The following FHIT variants were observed in gnomAD, a reference collection of about 807,000 sequenced individuals.
The protein encoded by FHIT is bis(5'-adenosyl)-triphosphatase.
FHIT carries 19 observed loss-of-function variants against 17.9 expected under a neutral mutation model. The observed-to-expected ratio is 1.06, with a 90% CI of 0.74 to 1.56. The LOEUF (loss-of-function observed/expected upper bound fraction) is 1.56, where lower values mean the gene tolerates loss of function less well. FHIT is among the 40% of genes most tolerant of loss of function. The pLI is 0.00. For synonymous variants in FHIT, 81 were observed against 69.7 expected (o/e 1.16, Z -0.81); for missense variants, 248 against 189.2 (o/e 1.31, Z -1.82).
chr3:59,855,874 G>A (rs181714959), intron 8 of FHIT, among the ~76,000 whole-genome samples: 138 of 151,002 alleles, frequency 9.1e-4, no homozygotes, highest in Admixed American at 2.0e-3. Context: ...TCTGCCTCCC[G>A]GGTTCATGCC....
chr3:60,504,410 G>A (rs548964948), intron 5 of FHIT, among the ~76,000 whole-genome samples: 23 of 148,316 alleles, frequency 1.6e-4, no homozygotes, highest in African/African-American at 4.0e-4. Flanking sequence ...CCAGCCTGGC[G>A]ACAGAACGAG....
At chr3:61,184,227 C>T (rs2038434021) in intron 2 of FHIT, among the ~76,000 whole-genome samples, 1 of 152,102 alleles carries the variant, frequency 6.6e-6, no homozygotes, top group African/African-American at 2.4e-5. Context: ...TTTGGGCAGG[C>T]ATCTACTCAT....
chr3:59,954,382 C>A (rs949855621), intron 7 of FHIT, among the ~76,000 whole-genome samples: 1 of 152,114 alleles, frequency 6.6e-6, no homozygotes, highest in African/African-American at 2.4e-5. Flanking sequence ...TTGAGAAAAG[C>A]TCTGTGCTAG....
chr3:59,828,186 G>C (rs985258369), intron 8 of FHIT, among the ~76,000 whole-genome samples: 1 of 152,116 alleles, frequency 6.6e-6, no homozygotes. Flanking sequence ...TTTTCATTTT[G>C]AACTCTGTCA....
At chr3:61,005,908 C>T (rs575066055) in intron 3 of FHIT, among the ~76,000 whole-genome samples, 50 of 152,138 alleles carry the variant, frequency 3.3e-4, no homozygotes, top group South Asian at 2.1e-3. Flanking sequence ...GTGGAAATGG[C>T]CCCTCTCCTT....
intron 5 of FHIT, among the ~76,000 whole-genome samples, chr3:60,130,827 G>T (rs1256437424): frequency 1.3e-5 from 1 of 77,792 alleles, no homozygotes; most frequent in Non-Finnish European, 3.1e-5. Flanking sequence ...GTGTGTATAG[G>T]TGTGTACATA....
In FHIT at chr3:60,510,097, T is replaced by G. The variant is rs149267192; in HGVS notation, c.103+26763A>C. On this transcript the variant is annotated intron_variant, in intron 5 of 9. Transcript: ENST00000492590. ...CTGGAAAATGAATAAAATGTCAGCT[T>G]CAGTAGCAACATACTGTGGAATTCA... is the stretch of plus-strand genomic sequence containing the variant. Among the ~76,000 whole-genome samples the G allele has an allele frequency of 3.1e-3, 476 of 152,306 alleles. 9 individuals carry two copies. In the East Asian group the frequency reaches 0.036, roughly 12 times the overall value.
chr3:60,561,689 TAGA>T (rs1388618864), intron 4 of FHIT, among the ~76,000 whole-genome samples: 14 of 152,256 alleles, frequency 9.2e-5, no homozygotes, highest in African/African-American at 3.4e-4. Flanking sequence ...GAGCCAGAGA[TAGA>T]AGGACTGACG....
intron 8 of FHIT, among the ~76,000 whole-genome samples, chr3:59,803,592 C>A (rs555167796): frequency 6.6e-6 from 1 of 152,204 alleles, no homozygotes; most frequent in Non-Finnish European, 1.5e-5. Flanking sequence ...TTAAAGGGAA[C>A]CTGCATCTCG....
At chr3:59,972,348 T>G (rs977246065) in intron 7 of FHIT, among the ~76,000 whole-genome samples, 3 of 152,104 alleles carry the variant, frequency 2.0e-5, no homozygotes, top group Non-Finnish European at 4.4e-5. Flanking sequence ...GTGTCTCTCA[T>G]GAAGAACTGG....
At chr3:61,119,401 A>G (rs938979603) in intron 2 of FHIT, among the ~76,000 whole-genome samples, 3 of 151,926 alleles carry the variant, frequency 2.0e-5, no homozygotes, top group Admixed American at 1.3e-4. Flanking sequence ...TTTAGTAGAG[A>G]CGGGGTTTCA....
chr3:59,836,934 G>T (rs182097459), intron 8 of FHIT, among the ~76,000 whole-genome samples: 1 of 152,238 alleles, frequency 6.6e-6, no homozygotes, highest in African/African-American at 2.4e-5. Flanking sequence ...GGTAAGATTT[G>T]ACTTGTTATA....
intron 2 of FHIT, among the ~76,000 whole-genome samples, chr3:61,171,986 G>A (rs575206728): frequency 6.6e-6 from 1 of 152,268 alleles, no homozygotes; most frequent in South Asian, 2.1e-4. Flanking sequence ...GAGATGGACG[G>A]GGGAAAAGAA....
At chr3:61,095,907 A>C (rs576433816) in intron 2 of FHIT, among the ~76,000 whole-genome samples, 34 of 152,308 alleles carry the variant, frequency 2.2e-4, no homozygotes, top group Middle Eastern at 3.4e-3. Flanking sequence ...AAATGCCTCC[A>C]TTCCTGGCTC....
intron 5 of FHIT, among the ~76,000 whole-genome samples, chr3:60,313,993 T>C (rs1425122241): frequency 6.6e-6 from 1 of 152,256 alleles, no homozygotes; most frequent in Non-Finnish European, 1.5e-5. Context: ...ATATGTTGGA[T>C]AATGCAGATT....
At chr3:60,738,435 T>C (rs1207645739) in intron 4 of FHIT, among the ~76,000 whole-genome samples, 3 of 152,182 alleles carry the variant, frequency 2.0e-5, no homozygotes, top group Admixed American at 2.0e-4. Context: ...TTCTGCAGCC[T>C]AAACAAGCCG....
intron 5 of FHIT, among the ~76,000 whole-genome samples, chr3:60,479,057 G>C (rs2033481629): frequency 6.6e-6 from 1 of 152,182 alleles, no homozygotes; most frequent in South Asian, 2.1e-4. Context: ...CTGTCAAAGA[G>C]GACTAGACTT....
rs376703505 is a variant in FHIT at position 61,085,106 on chromosome 3, A to T, written c.-163-43007T>A. On this transcript the variant is annotated intron_variant, in intron 2 of 9. Transcript: ENST00000492590. The stretch of plus-strand genomic sequence containing the variant: ...ATAGCTTGGGACCATTACAAACAAC[A>T]TTGCTATAAATGTAGACATACATTT... 5.3e-5 allele frequency among the ~76,000 whole-genome samples: 8 copies of T among 152,292 alleles called. No homozygotes were observed. The South Asian group carries it at 8.3e-4, about 16-fold the overall frequency.
intron 1 of FHIT, among the ~76,000 whole-genome samples, chr3:61,202,083 C>G (rs2039036496): frequency 6.6e-6 from 1 of 151,892 alleles, no homozygotes; most frequent in South Asian, 2.1e-4. Flanking sequence ...CACACACACA[C>G]ACACACACGC....
Sources: allele counts gnomAD v4.1 joint callset (sites outside exome capture counted in the v4.1 genomes callset), GRCh38; gene constraint gnomAD v4.1.1; transcripts MANE v1.5; gene names NCBI Gene and HGNC (gene_info 2026-07-23, HGNC 2026-07-21).